The following CIT variants were observed in gnomAD, a reference collection of about 807,000 sequenced individuals.
CIT encodes citron Rho-interacting kinase.
Under a neutral mutation model 272.7 loss-of-function variants are expected in CIT, and 79 were observed. The ratio of observed to expected loss-of-function variants is 0.29; its 90% CI spans 0.24 to 0.35. The LOEUF is 0.35. CIT is among the 10% of genes least tolerant of loss of function. The pLI is 1.00. For missense variants in CIT, 1,909 were observed against 2,618.3 expected (o/e 0.73, Z 5.91); for synonymous variants, 948 against 995.6 (o/e 0.95, Z 0.90).
At chr12:119,844,393 T>C (rs1394080297) in intron 5 of CIT, among the ~76,000 whole-genome samples, 1 of 152,108 alleles carries the variant, frequency 6.6e-6, no homozygotes, top group Non-Finnish European at 1.5e-5. Flanking sequence ...AACACACTCA[T>C]AATTTTATAG....
intron 5 of CIT, among the ~76,000 whole-genome samples, chr12:119,834,498 C>T (rs771521766): frequency 1.3e-5 from 2 of 152,148 alleles, no homozygotes; most frequent in Non-Finnish European, 2.9e-5. Context: ...GAATTAAATC[C>T]ACCCACTTTC....
chr12:119,818,209 T>C (rs1404210425), intron 9 of CIT, among the ~76,000 whole-genome samples: 1 of 152,146 alleles, frequency 6.6e-6, no homozygotes, highest in Non-Finnish European at 1.5e-5. Flanking sequence ...TTGACAGAAG[T>C]GTTTTGAAGG....
At position 119,718,254 on chromosome 12, in the gene CIT, T is replaced by A. The variant is rs761629672; in HGVS notation, c.4159A>T (p.Thr1387Ser). The change falls in exon 32 of 48, where the codon ACT becomes TCT. Residue 1387 changes from threonine to serine, a missense_variant. Physicochemically the swap from Thr to Ser is moderately conservative, Grantham distance 58 (BLOSUM62 1). Around this residue, in one of 8 missense-constraint regions of CIT, gnomAD observed 780 missense variants for 1,067.2 expected, o/e 0.73. Coordinates refer to ENST00000392521, the MANE Select transcript of CIT (RefSeq NM_001206999.2). The surrounding 1 kb of genome is among the most constrained non-coding windows in gnomAD (Gnocchi z 4.8). ...TACAACTCCAACGTACCCTCTGGAG[T>A]TGAAGACTCCTTTCTGCGGCTGGAT... ...PPSSRRKESS[T>S]PEEFSRRLKE... 1.2e-6 allele frequency: 2 copies of A among 1,612,638 alleles called. No homozygotes were observed. The highest frequency in any genetic ancestry group is 3.3e-5 in the Admixed American group (2 of 59,864).
intron 10 of CIT, among the ~76,000 whole-genome samples, chr12:119,796,565 C>A (rs545316335): frequency 6.6e-6 from 1 of 152,056 alleles, no homozygotes; most frequent in Admixed American, 6.5e-5. Flanking sequence ...ACTGAGTGAG[C>A]GAGTGGGTCT....
intron 3 of CIT, among the ~76,000 whole-genome samples, chr12:119,867,478 G>A (rs1016596903): frequency 1.1e-4 from 16 of 152,262 alleles, no homozygotes; most frequent in South Asian, 4.1e-4. Context: ...ATGAGCCACC[G>A]CGCCCAGCCA....
Position 119,697,466 on chromosome 12 carries a change from G to A in CIT, c.5882+193C>T, listed in dbSNP as rs548283099. On this transcript the variant is annotated intron_variant, in intron 46 of 47. Transcript: ENST00000392521. This position sits in a 1 kb window ranked among gnomAD's most constrained non-coding sequence, Gnocchi z 4.9. ...CTCTCCCCTCTGACTTTTGCAAGGT[G>A]GTATTTTCTAATTCTCCTGATGCTC... Among the ~76,000 whole-genome samples, 1 of 152,308 alleles carries A rather than the reference G, an allele frequency of 6.6e-6. No individual in the cohort carries two copies. Among genetic ancestry groups the A allele is most frequent in the Admixed American group, 6.5e-5 (1 of 15,292 alleles).
intron 19 of CIT, among the ~76,000 whole-genome samples, chr12:119,766,244 A>G (rs913835737): frequency 1.3e-3 from 10 of 7,588 alleles, no homozygotes; most frequent in Non-Finnish European, 2.9e-3. Context: ...GTTGAAGGGA[A>G]AAAAAAAAGA....
rs147214410 is a variant in CIT at position 119,875,133 on chromosome 12, T to C, written c.96+940A>G. 2.7e-3 allele frequency among the ~76,000 whole-genome samples: 406 copies of C among 152,166 alleles called. 1 individual carries two copies. The highest frequency in any genetic ancestry group is 4.2e-3 in the Non-Finnish European group (283 of 68,006). On this transcript the variant is annotated intron_variant, in intron 2 of 47. Coordinates refer to ENST00000392521, the MANE Select transcript of CIT (RefSeq NM_001206999.2). ...GCCTGGGCAACATGGTGAAACCTCATCTCTACAAAAAATACAAAAATTAGC... is the reference window on the plus strand; with the variant it reads ...GCCTGGGCAACATGGTGAAACCTCACCTCTACAAAAAATACAAAAATTAGC...
chr12:119,749,110 G>A (rs924543736), intron 23 of CIT, among the ~76,000 whole-genome samples: 8 of 152,210 alleles, frequency 5.3e-5, no homozygotes, highest in African/African-American at 1.7e-4. Flanking sequence ...CAGCTGCACC[G>A]CCAAGACCCT....
intron 24 of CIT, among the ~76,000 whole-genome samples, chr12:119,736,535 C>T (rs1480524046): frequency 6.6e-6 from 1 of 152,160 alleles, no homozygotes; most frequent in Non-Finnish European, 1.5e-5. Flanking sequence ...TAGTAATTTG[C>T]TTTTTAATGT....
At chr12:119,790,407 G>A (rs968220247) in intron 10 of CIT, among the ~76,000 whole-genome samples, 17 of 152,068 alleles carry the variant, frequency 1.1e-4, no homozygotes, top group African/African-American at 2.9e-4. Flanking sequence ...TGGGCAATGG[G>A]GTGCAGAGTT....
chr12:119,734,686 G>A (rs1412858835), intron 25 of CIT, among the ~76,000 whole-genome samples: 1 of 152,090 alleles, frequency 6.6e-6, no homozygotes, highest in Non-Finnish European at 1.5e-5. Flanking sequence ...ACCCAGGCTG[G>A]AGTACAGTGG....
At chr12:119,847,412 G>T (rs1407193777) in intron 5 of CIT, among the ~76,000 whole-genome samples, 1 of 151,934 alleles carries the variant, frequency 6.6e-6, no homozygotes, top group African/African-American at 2.4e-5. Flanking sequence ...TAACCCACAT[G>T]GCAAAACCCC....
At chr12:119,731,775 T>A (rs976309451) in intron 26 of CIT, among the ~76,000 whole-genome samples, 15 of 150,160 alleles carry the variant, frequency 1.0e-4, no homozygotes, top group African/African-American at 3.2e-4. Context: ...CAACCTCACC[T>A]TGTTCTGTAA....
In CIT at chr12:119,876,131, T is replaced by C. The variant is rs1404396258; in HGVS notation, c.38A>G (p.Asp13Gly). Residue 13 changes from aspartate to glycine, a missense_variant, in exon 2 of 48, where the codon GAT becomes GGT. Asp to Gly is a moderately conservative substitution (Grantham distance 94, BLOSUM62 -1). Coordinates refer to ENST00000392521, the MANE Select transcript of CIT (RefSeq NM_001206999.2). ...GGCAATGGGTTCAGCAGCACCAGCA[T>C]CCAAAGGATTCCGCGCTCCATATTT... is the stretch of plus-strand genomic sequence containing the variant. ...KFKYGARNPL[D>G]AGAAEPIASR... 7 of 1,613,936 alleles carry C rather than the reference T, an allele frequency of 4.3e-6. No individual in the cohort carries two copies. In the South Asian group the frequency reaches 7.7e-5, roughly 18 times the overall value.
At chr12:119,866,961 A>G (rs889131831) in intron 3 of CIT, among the ~76,000 whole-genome samples, 1 of 152,192 alleles carries the variant, frequency 6.6e-6, no homozygotes, top group Non-Finnish European at 1.5e-5. Context: ...TCTGATTTGG[A>G]GACCACATAG....
chr12:119,707,644 G>A (rs1446145851), intron 40 of CIT, among the ~76,000 whole-genome samples: 1 of 152,106 alleles, frequency 6.6e-6, no homozygotes, highest in East Asian at 1.9e-4. Context: ...TGGGATTACA[G>A]GCGCCCGCCA....
Position 119,701,669 on chromosome 12 carries a change from C to T in CIT, c.5497G>A (p.Val1833Met), listed in dbSNP as rs1348259228. 8.7e-6 allele frequency: 14 copies of T among 1,614,216 alleles called. No homozygotes were observed. Among genetic ancestry groups the T allele is most frequent in the Non-Finnish European group, 1.2e-5 (14 of 1,180,040 alleles). The change falls in exon 43 of 48, where the codon GTG (valine) becomes ATG (methionine). Residue 1833 changes from valine (V) to methionine (M), a missense_variant. Physicochemically the swap from Val to Met is conservative, Grantham distance 21 (BLOSUM62 1). Transcript: ENST00000392521. ...TCCTCTCGCTGCCCTGCGCTGTTCACCTGCACGATTGAGACAGGGAAGCTG... is the reference window on the plus strand; with the variant it reads ...TCCTCTCGCTGCCCTGCGCTGTTCATCTGCACGATTGAGACAGGGAAGCTG... ...SNSFPVSIVQ[V>M]NSAGQREEYL...
chr12:119,775,484 T>C (rs1044004880), intron 16 of CIT, among the ~76,000 whole-genome samples: 10 of 152,172 alleles, frequency 6.6e-5, no homozygotes, highest in African/African-American at 2.2e-4. Flanking sequence ...ATAAATGAGG[T>C]GCCAGGCCCC....
Sources: allele counts gnomAD v4.1 joint callset (sites outside exome capture counted in the v4.1 genomes callset), GRCh38; gene constraint gnomAD v4.1.1; regional missense constraint gnomAD v4.1.1; non-coding constraint Gnocchi (gnomAD v3.1); transcripts MANE v1.5; gene names NCBI Gene and HGNC (gene_info 2026-07-23, HGNC 2026-07-21).